The following TASP1 variants were observed in gnomAD, a reference collection of about 807,000 sequenced individuals.
TASP1 encodes taspase 1.
A neutral mutation model predicts 56.6 loss-of-function variants in TASP1; 16 were observed. The ratio of observed to expected loss-of-function variants is 0.28; its 90% CI spans 0.19 to 0.43. The LOEUF (loss-of-function observed/expected upper bound fraction) is 0.43. TASP1 is among the 20% of genes least tolerant of loss of function. The pLI is 1.00. For missense variants in TASP1, 393 were observed against 511.6 expected, an observed-to-expected ratio of 0.77 and a Z score of 2.24; for synonymous variants, 179 against 184.2, an observed-to-expected ratio of 0.97 and a Z score of 0.23.
At chr20:13,597,147 A>T (rs1380671960) in intron 4 of TASP1, among the ~76,000 whole-genome samples, 4 of 152,202 alleles carry the variant, frequency 2.6e-5, no homozygotes, top group Non-Finnish European at 4.4e-5. Context: ...ATTCCAATCA[A>T]TAGAAAAAGA....
At chr20:13,522,477 G>C (rs550506621) in intron 10 of TASP1, among the ~76,000 whole-genome samples, 2 of 152,140 alleles carry the variant, frequency 1.3e-5, no homozygotes, top group Non-Finnish European at 2.9e-5. Context: ...TTGGATGTGC[G>C]TGAGATAGAA....
chr20:13,400,213 G>A (rs565071516), intron 13 of TASP1, among the ~76,000 whole-genome samples: 1 of 152,250 alleles, frequency 6.6e-6, no homozygotes, highest in Admixed American at 6.5e-5. Flanking sequence ...CCTCAATATA[G>A]AAGGCACTCA....
chr20:13,176,877 T>C, the TASP1 span, among the ~76,000 whole-genome samples: 52 of 152,112 alleles, frequency 3.4e-4, no homozygotes, highest in African/African-American at 1.2e-3. Flanking sequence ...CCAAAAACAA[T>C]AGAATACCAA....
At chr20:13,522,880 G>C (rs2044819610) in intron 10 of TASP1, among the ~76,000 whole-genome samples, 1 of 152,184 alleles carries the variant, frequency 6.6e-6, no homozygotes, top group Admixed American at 6.6e-5. Flanking sequence ...AGCAGCCAGT[G>C]AGGTGGCAGG....
intron 4 of TASP1, chr20:13,614,792 A>G (rs897671453): frequency 6.4e-6 from 3 of 469,176 alleles, no homozygotes; most frequent in Non-Finnish European, 1.3e-5. Context: ...AATAGTTTTA[A>G]ACTTTGTTTT....
intron 11 of TASP1, among the ~76,000 whole-genome samples, chr20:13,454,820 C>A (rs1422889633): frequency 6.6e-6 from 1 of 152,076 alleles, no homozygotes; most frequent in Non-Finnish European, 1.5e-5. Context: ...TCCCTGGAAG[C>A]CCCCATCATC....
intron 10 of TASP1, among the ~76,000 whole-genome samples, chr20:13,485,531 A>C (rs1328660758): frequency 1.3e-5 from 2 of 152,170 alleles, no homozygotes; most frequent in African/African-American, 2.4e-5. Flanking sequence ...TTTTTGGTAA[A>C]GCGTAAATGC....
At chr20:13,328,644 G>T in the TASP1 span, among the ~76,000 whole-genome samples, 1 of 152,114 alleles carries the variant, frequency 6.6e-6, no homozygotes, top group South Asian at 2.1e-4. Flanking sequence ...GAATGAGATC[G>T]TGCCTTTGCA....
intron 11 of TASP1, among the ~76,000 whole-genome samples, chr20:13,440,712 A>G (rs1484610971): frequency 6.6e-6 from 1 of 151,920 alleles, no homozygotes; most frequent in Non-Finnish European, 1.5e-5. Flanking sequence ...AATATAATAC[A>G]CTGAGAGAAG....
At chr20:13,568,299 G>A (rs996617593) in intron 7 of TASP1, among the ~76,000 whole-genome samples, 2 of 151,962 alleles carry the variant, frequency 1.3e-5, no homozygotes, top group Non-Finnish European at 2.9e-5. Flanking sequence ...AGGAGTGCAC[G>A]ACCACACCTG....
intron 10 of TASP1, among the ~76,000 whole-genome samples, chr20:13,523,547 C>G (rs2044853285): frequency 6.6e-6 from 1 of 152,084 alleles, no homozygotes. Context: ...GTTGAGAAAT[C>G]AAAAAGGAAT....
chr20:13,599,734 A>G (rs1209723357), intron 4 of TASP1, among the ~76,000 whole-genome samples: 1 of 151,880 alleles, frequency 6.6e-6, no homozygotes, highest in Non-Finnish European at 1.5e-5. Context: ...AAACCATATG[A>G]TCATCTCAGT....
the TASP1 span, among the ~76,000 whole-genome samples, chr20:13,271,618 G>T: frequency 6.6e-6 from 1 of 152,148 alleles, no homozygotes. Flanking sequence ...TCAAATCCAG[G>T]CTCTCAGACT....
At chr20:13,578,011 G>A (rs1236103405) in intron 6 of TASP1, among the ~76,000 whole-genome samples, 1 of 152,252 alleles carries the variant, frequency 6.6e-6, no homozygotes, top group South Asian at 2.1e-4. Flanking sequence ...AAGGCATTTT[G>A]TCTCAGGATA....
the TASP1 span, among the ~76,000 whole-genome samples, chr20:13,201,055 ATG>A: frequency 6.6e-5 from 10 of 152,238 alleles, no homozygotes; most frequent in Non-Finnish European, 1.0e-4. Flanking sequence ...ACAGTCTCCA[ATG>A]CCAGTCACAG....
intron 8 of TASP1, among the ~76,000 whole-genome samples, chr20:13,544,445 T>C (rs2045733179): frequency 6.6e-6 from 1 of 152,232 alleles, no homozygotes; most frequent in East Asian, 1.9e-4. Flanking sequence ...CTGGGAAATA[T>C]ATTCAAGAGA....
intron 10 of TASP1, among the ~76,000 whole-genome samples, chr20:13,503,489 A>G (rs1003061952): frequency 2.0e-5 from 3 of 152,164 alleles, no homozygotes; most frequent in African/African-American, 7.2e-5. Context: ...CTCTCTTGAA[A>G]CTAGTTAGTA....
chr20:13,630,035 G>C lies in TASP1; in HGVS notation c.44C>G (p.Ser15Cys). Residue 15 changes from serine to cysteine, a missense_variant, in exon 2 of 14, where the codon TCC (serine) becomes TGC (cysteine). By Grantham distance (112) the Ser-to-Cys change is moderately radical. Around this residue, in one of 3 missense-constraint regions of TASP1, gnomAD observed 52 missense variants for 51.1 expected, o/e 1.02. Coordinates refer to ENST00000337743, the MANE Select transcript of TASP1 (RefSeq NM_017714.3). ...ACCAGCCGAAACCTGAGATGATCTG[G>C]AAGGCAGCCCTTCTCCAGAACTCAT... ...KGMSSGEGLP[S>C]RSSQVSAGKI... 2 of 1,613,912 alleles carry C rather than the reference G, an allele frequency of 1.2e-6. No homozygotes were observed. The highest frequency in any genetic ancestry group is 2.2e-5 in the South Asian group (2 of 90,982).
At chr20:13,325,366 C>T in the TASP1 span, among the ~76,000 whole-genome samples, 2 of 152,198 alleles carry the variant, frequency 1.3e-5, no homozygotes, top group Admixed American at 6.5e-5. Flanking sequence ...GTTTCGAACT[C>T]CTGCATGCTT....
Sources: allele counts gnomAD v4.1 joint callset (sites outside exome capture counted in the v4.1 genomes callset), GRCh38; gene constraint gnomAD v4.1.1; regional missense constraint gnomAD v4.1.1; transcripts MANE v1.5; gene names NCBI Gene and HGNC (gene_info 2026-07-23, HGNC 2026-07-21).